The following CDH13 variants were observed in gnomAD, a reference collection of about 807,000 sequenced individuals.
The protein encoded by CDH13 is cadherin-13.
Under a neutral mutation model 63.8 loss-of-function variants are expected in CDH13, and 24 were observed. The observed-to-expected ratio is 0.38, with a 90% CI of 0.27 to 0.53. The LOEUF (loss-of-function observed/expected upper bound fraction) is 0.53. CDH13 is among the 20% of genes least tolerant of loss of function. The pLI is 0.85. For missense variants in CDH13, 1,049 were observed against 903.1 expected, an observed-to-expected ratio of 1.16 and a Z score of -2.07; for synonymous variants, 503 against 355.3, an observed-to-expected ratio of 1.42 and a Z score of -4.67.
intron 2 of CDH13, among the ~76,000 whole-genome samples, chr16:82,896,688 C>G (rs562560329): frequency 6.6e-6 from 1 of 150,622 alleles, no homozygotes; most frequent in African/African-American, 2.4e-5. Flanking sequence ...AGCTGTCAGA[C>G]CAGATGCAGG....
chr16:83,000,223 A>ATTTTTTTTTTTTT (rs746904500), intron 2 of CDH13, among the ~76,000 whole-genome samples: 6 of 37,028 alleles, frequency 1.6e-4, no homozygotes, highest in Non-Finnish European at 2.4e-4. Flanking sequence ...GGTTTAGCTT[A>ATTTTTTTTTTTTT]TTTTTTTTTT....
chr16:83,236,778 G>A (rs1381522666), intron 5 of CDH13, among the ~76,000 whole-genome samples: 1 of 152,092 alleles, frequency 6.6e-6, no homozygotes. Context: ...AATAGAGTAG[G>A]TTAAGCCATA....
At chr16:83,556,267 GC>G (rs2075600443) in intron 7 of CDH13, among the ~76,000 whole-genome samples, 1 of 152,152 alleles carries the variant, frequency 6.6e-6, no homozygotes, top group Non-Finnish European at 1.5e-5. Flanking sequence ...AAGTAAGCCA[GC>G]CCTAAAAATC....
At chr16:83,585,263 G>A (rs1329910616) in intron 7 of CDH13, among the ~76,000 whole-genome samples, 5 of 152,080 alleles carry the variant, frequency 3.3e-5, no homozygotes, top group African/African-American at 7.2e-5. Flanking sequence ...AGATCACTCC[G>A]AATTTATATT....
chr16:82,828,098 T>C (rs2038341917), intron 1 of CDH13, among the ~76,000 whole-genome samples: 1 of 152,172 alleles, frequency 6.6e-6, no homozygotes, highest in Non-Finnish European at 1.5e-5. Flanking sequence ...TTGAGTCTGA[T>C]AGGCTCTGTT....
intron 2 of CDH13, among the ~76,000 whole-genome samples, chr16:82,942,369 C>G (rs1904299296): frequency 6.6e-6 from 1 of 152,158 alleles, no homozygotes; most frequent in Non-Finnish European, 1.5e-5. Flanking sequence ...TTATATTTAA[C>G]CTTGTGCCAA....
chr16:83,022,468 C>G (rs73594249), intron 2 of CDH13, among the ~76,000 whole-genome samples: 4,256 of 152,272 alleles, frequency 0.028, 93 homozygotes, highest in Non-Finnish European at 0.042. Flanking sequence ...TGCAAGCCAA[C>G]TGAAGGCACA....
chr16:83,674,990 C>G (rs545104620), intron 9 of CDH13, among the ~76,000 whole-genome samples: 98 of 152,328 alleles, frequency 6.4e-4, no homozygotes, highest in Non-Finnish European at 1.1e-3. Flanking sequence ...CCAACAAACC[C>G]AGGTCCTCCA....
At chr16:83,186,458 A>G (rs2038528931) in intron 4 of CDH13, among the ~76,000 whole-genome samples, 1 of 151,952 alleles carries the variant, frequency 6.6e-6, no homozygotes, top group South Asian at 2.1e-4. Context: ...TAGTCATTCG[A>G]CTTTTCGAGA....
chr16:82,849,901 C>G (rs1041288680), intron 1 of CDH13, among the ~76,000 whole-genome samples: 7 of 152,190 alleles, frequency 4.6e-5, no homozygotes, highest in African/African-American at 1.7e-4. Context: ...ATTTTAAGCC[C>G]ACTATTGAGA....
chr16:83,183,976 C>T (rs9932877), intron 4 of CDH13, among the ~76,000 whole-genome samples: 12,211 of 151,950 alleles, frequency 0.08, 558 homozygotes, highest in Middle Eastern at 0.14. Flanking sequence ...AAGGCACCCC[C>T]GTTTCTCAAC....
chr16:82,905,357 T>C (rs1339900104), intron 2 of CDH13, among the ~76,000 whole-genome samples: 10 of 152,118 alleles, frequency 6.6e-5, no homozygotes, highest in Admixed American at 1.3e-4. Context: ...ATATATCTGA[T>C]AGTCGTTTTT....
chr16:83,300,122 G>T (rs1363319922), intron 5 of CDH13, among the ~76,000 whole-genome samples: 1 of 152,208 alleles, frequency 6.6e-6, no homozygotes, highest in East Asian at 1.9e-4. Context: ...ACCCAAGAGG[G>T]TGAGTACCAG....
At chr16:83,262,736 T>C (rs954609468) in intron 5 of CDH13, among the ~76,000 whole-genome samples, 1 of 152,214 alleles carries the variant, frequency 6.6e-6, no homozygotes, top group Non-Finnish European at 1.5e-5. Context: ...TTATAATAAA[T>C]GCACTAGAAT....
In CDH13 at chr16:83,699,147, A is replaced by C. The variant is rs1056176971; in HGVS notation, c.1538+20686A>C. 4.6e-5 allele frequency among the ~76,000 whole-genome samples: 7 copies of C among 152,236 alleles called. No homozygotes were observed. The East Asian group carries it at 1.3e-3, about 29-fold the overall frequency. ...TTGCTAAATGCATGACTTATAAGACATGGCCCCCAAAGCACGGGCATTGTG... is the reference window on the plus strand; with the variant it reads ...TTGCTAAATGCATGACTTATAAGACCTGGCCCCCAAAGCACGGGCATTGTG... On this transcript the variant is annotated intron_variant, in intron 10 of 13. Transcript: ENST00000567109.
chr16:83,227,072 G>A (rs569985574), intron 5 of CDH13, among the ~76,000 whole-genome samples: 21 of 152,326 alleles, frequency 1.4e-4, no homozygotes, highest in Middle Eastern at 3.4e-3. Context: ...CCTTGGGTTC[G>A]AGAACAGAAA....
intron 5 of CDH13, among the ~76,000 whole-genome samples, chr16:83,340,606 A>G (rs1297886670): frequency 6.6e-6 from 1 of 152,172 alleles, no homozygotes; most frequent in East Asian, 1.9e-4. Flanking sequence ...TCTAGAAACA[A>G]TGTTAAAATG....
chr16:83,410,454 TC>T (rs1376918742), intron 6 of CDH13, among the ~76,000 whole-genome samples: 1 of 152,130 alleles, frequency 6.6e-6, no homozygotes, highest in Non-Finnish European at 1.5e-5. Context: ...AATCTATAGA[TC>T]AAGATAATGC....
At chr16:83,456,208 C>G (rs1383544010) in intron 6 of CDH13, among the ~76,000 whole-genome samples, 2 of 152,228 alleles carry the variant, frequency 1.3e-5, no homozygotes, top group African/African-American at 2.4e-5. Flanking sequence ...ATTCCCTGCT[C>G]TGGAGATAGT....
Sources: allele counts gnomAD v4.1 joint callset (sites outside exome capture counted in the v4.1 genomes callset), GRCh38; gene constraint gnomAD v4.1.1; transcripts MANE v1.5; gene names NCBI Gene and HGNC (gene_info 2026-07-23, HGNC 2026-07-21).